PC: variants seen among roughly 807,000 people sequenced by gnomAD.
PC encodes the protein pyruvate carboxylase, mitochondrial.
Under a neutral mutation model 107.8 loss-of-function variants are expected in PC, and 46 were observed. The ratio of observed to expected loss-of-function variants is 0.43; its 90% CI spans 0.34 to 0.55. The LOEUF (loss-of-function observed/expected upper bound fraction) is 0.55, where lower values mean the gene tolerates loss of function less well. Among genes scored for constraint, PC ranks in the 20% least tolerant of loss-of-function variants. The pLI, the probability that PC is intolerant of heterozygous loss-of-function variation, is 0.04. For missense variants in PC, 1,241 were observed against 1,643.1 expected (o/e 0.76, Z 4.23); for synonymous variants, 662 against 684.7 (o/e 0.97, Z 0.52).
rs1392325446 is a variant in PC at position 66,857,621 on chromosome 11, A to G, written c.1369-4238T>C. On this transcript the variant is annotated intron_variant, in intron 12 of 22. Transcript: ENST00000393960. The surrounding 1 kb of genome is among the most constrained non-coding windows in gnomAD (Gnocchi z 7.1). The stretch of plus-strand genomic sequence containing the variant: ...CTCTGGCGGCCCTCTTGGGCCTCTG[A>G]CCCAGCCCCTCCCCGGGCCAGGCTC... 8.8e-7 allele frequency: 1 copy of G among 1,138,242 alleles called. No individual in the cohort carries two copies. 70.5% of individuals were successfully genotyped at this position (1,138,242 alleles called of 1,614,324 possible).
chr11:66,872,167 G>T lies in PC; in HGVS notation c.1-8C>A. 1.3e-6 allele frequency: 2 copies of T among 1,577,616 alleles called. No homozygotes were observed. Among genetic ancestry groups the T allele is most frequent in the South Asian group, 2.3e-5 (2 of 85,834 alleles). On this transcript the variant is annotated splice_polypyrimidine_tract_variant and splice_region_variant and intron_variant, in intron 3 of 22. Transcript: ENST00000393960. ...TGTTCGGAACTTCAGCATCTAGGGA[G>T]GGAAGTTAGAGCCCAGGTTAGCGCA...
chr11:66,859,056 C>CAGT, intron 12 of PC: 1 of 1,500,074 alleles, frequency 6.7e-7, no homozygotes, highest in African/African-American at 1.4e-5. Context: ...GTTCCAAATC[C>CAGT]AGTACAACAG....
intron 3 of PC, among the ~76,000 whole-genome samples, chr11:66,917,214 G>A (rs959550036): frequency 6.6e-6 from 1 of 151,884 alleles, no homozygotes; most frequent in African/African-American, 2.4e-5. Flanking sequence ...TGGGATTACA[G>A]GGGCGCGCCA....
intron 3 of PC, among the ~76,000 whole-genome samples, chr11:66,898,344 A>G (rs986283119): frequency 2.6e-5 from 4 of 152,180 alleles, no homozygotes; most frequent in Admixed American, 2.6e-4. Flanking sequence ...TAACAGCTTT[A>G]CTGAGATACA....
intron 3 of PC, among the ~76,000 whole-genome samples, chr11:66,946,426 C>T (rs537690948): frequency 1.2e-4 from 19 of 152,030 alleles, no homozygotes; most frequent in South Asian, 6.3e-4. Context: ...GTCGGGAGTT[C>T]GAGATCAGCC....
chr11:66,866,168 C>T lies in PC; in HGVS notation c.1185+19G>A, dbSNP rs760354890. On this transcript the variant is annotated intron_variant, in intron 11 of 22. Transcript: ENST00000393960. This position sits in a 1 kb window ranked among gnomAD's most constrained non-coding sequence, Gnocchi z 5.4. Reference sequence around the variant, plus strand: ...TGCACAGGTGAGCTGGCATCTCCCTCTGCTCGAGCTCCGCCCACCTCAATG... The same window carrying T: ...TGCACAGGTGAGCTGGCATCTCCCTTTGCTCGAGCTCCGCCCACCTCAATG... 1 of 1,602,848 alleles carries T rather than the reference C, an allele frequency of 6.2e-7. No homozygotes were observed. The highest frequency in any genetic ancestry group is 1.1e-5 in the South Asian group (1 of 90,804).
chr11:66,882,402 G>A (rs1947217168), intron 3 of PC, among the ~76,000 whole-genome samples: 2 of 152,240 alleles, frequency 1.3e-5, no homozygotes, highest in East Asian at 1.9e-4. Flanking sequence ...GCAAGAGGCC[G>A]CAGAGGAAGG....
At chr11:66,925,702 T>C (rs1015326368) in intron 3 of PC, among the ~76,000 whole-genome samples, 2 of 152,114 alleles carry the variant, frequency 1.3e-5, no homozygotes, top group Admixed American at 6.6e-5. Flanking sequence ...AAGGCAGGCA[T>C]AGGAAATCAC....
chr11:66,946,324 C>T (rs1392375092), intron 3 of PC, among the ~76,000 whole-genome samples: 6 of 151,796 alleles, frequency 4.0e-5, no homozygotes, highest in Admixed American at 6.6e-5. Context: ...TGAAATCCCA[C>T]CTCTACAAAG....
At chr11:66,956,052 C>A (rs1368840453) in intron 1 of PC, among the ~76,000 whole-genome samples, 2 of 152,078 alleles carry the variant, frequency 1.3e-5, no homozygotes, top group Non-Finnish European at 1.5e-5. Flanking sequence ...GGATTACAGG[C>A]ATGAGCACCG....
At chr11:66,950,231 C>T (rs1188858413) in intron 3 of PC, among the ~76,000 whole-genome samples, 1 of 152,150 alleles carries the variant, frequency 6.6e-6, no homozygotes, top group Non-Finnish European at 1.5e-5. Flanking sequence ...CTAAGTATGA[C>T]TCAGCATGGC....
intron 11 of PC, among the ~76,000 whole-genome samples, chr11:66,864,977 G>A (rs1408569267): frequency 1.3e-5 from 2 of 152,222 alleles, no homozygotes; most frequent in Non-Finnish European, 2.9e-5. Context: ...ATATTTAAGG[G>A]TGAACACTCA....
chr11:66,849,050 G>A lies in PC; in HGVS notation c.3386C>T (p.Ala1129Val), dbSNP rs141118314. The change falls in exon 23 of 23, where the codon GCC becomes GTC. Residue 1129 changes from alanine to valine, a missense_variant. Around this residue, in one of 2 missense-constraint regions of PC, gnomAD observed 98 missense variants for 91.2 expected, o/e 1.07. Transcript: ENST00000393960. ...CAGGGGCTGGCCCTTGGCCACCTTG[G>A]CCCCTGCCACCACTTTGATGTCTAT... ...KVIDIKVVAG[A>V]KVAKGQPLCV... 3.0e-5 allele frequency: 49 copies of A among 1,614,040 alleles called. No homozygotes were observed. In the African/African-American group the frequency reaches 3.9e-4, roughly 13 times the overall value.
At chr11:66,853,084 C>T (rs1372168116) in intron 13 of PC, 155 bp downstream of exon 13, 36 of 823,476 alleles carry the variant, frequency 4.4e-5, no homozygotes, top group Non-Finnish European at 6.9e-5. Context: ...TGGCAGGGTG[C>T]AGGACAAGAG....
intron 3 of PC, among the ~76,000 whole-genome samples, chr11:66,889,574 A>C (rs936344912): frequency 6.6e-6 from 1 of 152,034 alleles, no homozygotes; most frequent in African/African-American, 2.4e-5. Flanking sequence ...GGGTTTCACT[A>C]TGTTGGCCAG....
intron 1 of PC, among the ~76,000 whole-genome samples, chr11:66,957,573 G>A (rs1327896944): frequency 2.6e-5 from 4 of 152,182 alleles, no homozygotes; most frequent in Non-Finnish European, 5.9e-5. Context: ...CCGAGATCGC[G>A]CCACTGCACT....
chr11:66,883,346 G>A (rs973482460), intron 3 of PC, among the ~76,000 whole-genome samples: 4 of 152,174 alleles, frequency 2.6e-5, no homozygotes, highest in Non-Finnish European at 4.4e-5. Flanking sequence ...GCCCCCTGGC[G>A]CACGAGGAGC....
Position 66,871,811 on chromosome 11 carries a change from A to G in PC, c.197T>C (p.Ile66Thr). The G allele has an allele frequency of 6.2e-7, 1 of 1,609,320 alleles. No individual in the cohort carries two copies. The highest frequency in any genetic ancestry group is 8.5e-7 in the Non-Finnish European group (1 of 1,179,436). Residue 66 changes from isoleucine (I) to threonine (T), a missense_variant, in exon 5 of 23, where the codon ATC becomes ACC. Physicochemically the swap from Ile to Thr is moderately conservative, Grantham distance 89. Coordinates refer to ENST00000393960, the MANE Select transcript of PC (RefSeq NM_001040716.2). The surrounding 1 kb of genome is among the most constrained non-coding windows in gnomAD (Gnocchi z 7.4). Reference protein sequence around the residue: ...CTELGIRTVAIYSEQDTGQMH... With the variant: ...CTELGIRTVATYSEQDTGQMH... ...CTGGCCCGTGTCCTGCTCAGAGTAG[A>G]TGGCTACGGTGCGGATGCCCAGCTC...
chr11:66,863,687 T>C, intron 12 of PC, 87 bp downstream of exon 12: 3 of 1,392,228 alleles, frequency 2.2e-6, no homozygotes, highest in Admixed American at 1.9e-5. Context: ...GGTGAAGCCA[T>C]GTGCAAGGCC....
Sources: allele counts gnomAD v4.1 joint callset (sites outside exome capture counted in the v4.1 genomes callset), GRCh38; gene constraint gnomAD v4.1.1; regional missense constraint gnomAD v4.1.1; non-coding constraint Gnocchi (gnomAD v3.1); transcripts MANE v1.5; gene names NCBI Gene and HGNC (gene_info 2026-07-23, HGNC 2026-07-21).